Variants in NRK observed in about 807,000 individuals in gnomAD.
The protein encoded by NRK is Nik related kinase.
In NRK, 67 loss-of-function variants were observed where a neutral mutation model predicts 125.2. The observed-to-expected ratio is 0.54, with a 90% CI of 0.44 to 0.66. The LOEUF (loss-of-function observed/expected upper bound fraction) is 0.66. NRK is among the 30% of genes least tolerant of loss of function. The pLI, the probability that NRK is intolerant of heterozygous loss-of-function variation, is 0.00. For synonymous variants in NRK, 458 were observed against 429.0 expected, an observed-to-expected ratio of 1.07 and a Z score of -0.84; for missense variants, 1,224 against 1,192.9, an observed-to-expected ratio of 1.03 and a Z score of -0.38.
chrX:105,906,313 C>G, intron 10 of NRK, 101 bp from the exon 11 acceptor site: 1 of 399,586 alleles, frequency 2.5e-6, no homozygotes, highest in South Asian at 9.0e-5. Context: ...AAAGGCAACT[C>G]TCTCCAAATA....
chrX:105,954,304 C>G (rs1005435737), intron 28 of NRK, among the ~76,000 whole-genome samples: 1 of 110,637 alleles, frequency 9.0e-6, no homozygotes, highest in Non-Finnish European at 1.9e-5. Context: ...AGCCCTGCAT[C>G]CCCCTCTGTA....
At chrX:105,919,002 G>GAAAAAAA (rs57376881) in intron 16 of NRK, among the ~76,000 whole-genome samples, 6 of 39,467 alleles carry the variant, frequency 1.5e-4, no homozygotes, top group Non-Finnish European at 2.9e-4. Context: ...ATGGTTTCCT[G>GAAAAAAA]AAAAAAAAAA....
At chrX:105,862,988 C>T (rs1180336301) in intron 2 of NRK, among the ~76,000 whole-genome samples, 8 of 112,050 alleles carry the variant, frequency 7.1e-5, no homozygotes, top group Non-Finnish European at 1.3e-4. Flanking sequence ...AAGTTATGTA[C>T]TATTTATCTT....
chrX:105,882,211 A>G (rs957354655), intron 4 of NRK, among the ~76,000 whole-genome samples: 6 of 110,575 alleles, frequency 5.4e-5, no homozygotes, highest in Middle Eastern at 4.6e-3. Context: ...AACAAACATT[A>G]CCATCGTGTT....
chrX:105,867,754 GCAATGAAAT>G (rs1310115225), intron 2 of NRK, among the ~76,000 whole-genome samples: 1 of 111,555 alleles, frequency 9.0e-6, no homozygotes, highest in East Asian at 2.8e-4. Flanking sequence ...GTAATTTATG[GCAATGAAAT>G]CAATTTGAAA....
intron 2 of NRK, among the ~76,000 whole-genome samples, chrX:105,863,036 T>C (rs1189933794): frequency 8.9e-6 from 1 of 111,918 alleles, no homozygotes; most frequent in African/African-American, 3.2e-5. Flanking sequence ...CAATATTGTA[T>C]AAATGGTGGA....
In NRK at chrX:105,951,154, G is replaced by A. The variant is rs1005044561; in HGVS notation, c.4513+1420G>A. Among the ~76,000 whole-genome samples the A allele has an allele frequency of 1.5e-4, 17 of 110,676 alleles. No individual in the cohort carries two copies. In the Admixed American group the frequency reaches 1.5e-3, roughly 10 times the overall value. On this transcript the variant is annotated intron_variant, in intron 27 of 28. Coordinates refer to ENST00000243300, the MANE Select transcript of NRK (RefSeq NM_198465.4). ...TGCTTACAGTATAATTGACAGATTC[G>A]GGGCAAAAGAAAGTAAAAATAATGA...
At chrX:105,868,954 C>G (rs764681126) in intron 2 of NRK, among the ~76,000 whole-genome samples, 2 of 110,324 alleles carry the variant, frequency 1.8e-5, no homozygotes, top group African/African-American at 6.6e-5. Context: ...TTTAAAAACT[C>G]AAGTTCGTAA....
chrX:105,856,861 G>A (rs2039537777), intron 2 of NRK, among the ~76,000 whole-genome samples: 1 of 111,384 alleles, frequency 9.0e-6, no homozygotes, highest in African/African-American at 3.3e-5. Flanking sequence ...TTCTGGATTT[G>A]TATCCTGATT....
At chrX:105,894,412 C>T (rs1340332482) in intron 6 of NRK, among the ~76,000 whole-genome samples, 2 of 111,522 alleles carry the variant, frequency 1.8e-5, no homozygotes, top group African/African-American at 6.5e-5. Context: ...TTTTCCACAC[C>T]CAGTTGGATG....
chrX:105,929,837 G>A (rs770641532), intron 19 of NRK, among the ~76,000 whole-genome samples: 1 of 111,412 alleles, frequency 9.0e-6, no homozygotes, highest in African/African-American at 3.3e-5. Context: ...ATTTCTGAAG[G>A]ATTGCTTTCC....
intron 16 of NRK, among the ~76,000 whole-genome samples, chrX:105,920,108 AT>A (rs1475475101): frequency 2.9e-5 from 3 of 104,847 alleles, no homozygotes; most frequent in Admixed American, 2.1e-4. Context: ...AGCTTTCTAC[AT>A]ATGGCTAGCC....
At chrX:105,921,530 C>G (rs1391976814) in intron 16 of NRK, among the ~76,000 whole-genome samples, 3 of 109,311 alleles carry the variant, frequency 2.7e-5, no homozygotes, top group African/African-American at 1.0e-4. Flanking sequence ...AGGGTTTTGG[C>G]TAGTCTATCA....
chrX:105,922,292 T>G (rs1314006068), intron 17 of NRK, among the ~76,000 whole-genome samples: 2 of 111,945 alleles, frequency 1.8e-5, no homozygotes, highest in East Asian at 5.6e-4. Context: ...TTTCACATTC[T>G]TGTGTCAGTT....
chrX:105,941,679 A>G (rs1388816047), intron 23 of NRK, among the ~76,000 whole-genome samples: 2 of 110,750 alleles, frequency 1.8e-5, no homozygotes, highest in Admixed American at 1.9e-4. Context: ...AACATATTCC[A>G]TAAGAACCAG....
Position 105,908,914 on chromosome X carries a change from G to A in NRK, c.1273G>A (p.Ala425Thr), listed in dbSNP as rs1284499561. Reference protein sequence around the residue: ...VFMPLQALDSAPKPLKGQAQA... With the variant: ...VFMPLQALDSTPKPLKGQAQA... ...CATGCCACTGCAGGCTCTGGACAGT[G>A]CACCTAAGCCTCTAAAGGGGCAGGC... Residue 425 changes from alanine to threonine, a missense_variant, in exon 13 of 29, where the codon GCA (alanine) becomes ACA (threonine). By Grantham distance (58) the Ala-to-Thr change is moderately conservative. Coordinates refer to ENST00000243300, the MANE Select transcript of NRK (RefSeq NM_198465.4). 1 of 1,211,052 alleles carries A rather than the reference G, an allele frequency of 8.3e-7. No individual in the cohort carries two copies. Among genetic ancestry groups the A allele is most frequent in the Non-Finnish European group, 1.1e-6 (1 of 894,940 alleles).
chrX:105,941,040 CT>C (rs965993628), intron 23 of NRK, among the ~76,000 whole-genome samples: 2 of 111,792 alleles, frequency 1.8e-5, no homozygotes, highest in African/African-American at 6.5e-5. Context: ...GGTATCACTA[CT>C]TCCCTCCAAA....
intron 16 of NRK, among the ~76,000 whole-genome samples, chrX:105,920,372 T>C (rs2040424498): frequency 1.9e-5 from 2 of 104,688 alleles, no homozygotes; most frequent in South Asian, 4.2e-4. Flanking sequence ...GACTTGGCGA[T>C]GCGGGCTCTT....
chrX:105,940,958 A>T (rs1602697321), intron 23 of NRK, among the ~76,000 whole-genome samples: 1 of 111,878 alleles, frequency 8.9e-6, no homozygotes, highest in Non-Finnish European at 1.9e-5. Context: ...GTACACATAC[A>T]CCACTAAAGA....
Sources: allele counts gnomAD v4.1 joint callset (sites outside exome capture counted in the v4.1 genomes callset), GRCh38; gene constraint gnomAD v4.1.1; transcripts MANE v1.5; gene names NCBI Gene and HGNC (gene_info 2026-07-23, HGNC 2026-07-21).